PRKN: variants seen among roughly 807,000 people sequenced by gnomAD.
PRKN encodes E3 ubiquitin-protein ligase parkin.
Under a neutral mutation model 59.5 loss-of-function variants are expected in PRKN, and 56 were observed. The observed-to-expected ratio is 0.94, with a 90% CI of 0.76 to 1.18. PRKN has a LOEUF of 1.18. Among genes scored for constraint, PRKN ranks in the 50% most tolerant of loss-of-function variants. The pLI is 0.00. For synonymous variants in PRKN, 250 were observed against 222.1 expected (o/e 1.13, Z -1.12); for missense variants, 657 against 596.4 (o/e 1.10, Z -1.06).
intron 4 of PRKN, among the ~76,000 whole-genome samples, chr6:162,058,495 G>A (rs1300612975): frequency 3.3e-5 from 5 of 152,202 alleles, no homozygotes; most frequent in Admixed American, 3.3e-4. Flanking sequence ...ACCACACTGT[G>A]CTTGAGGCAC....
At chr6:162,153,519 CCAGTGAGGGCAAAGGGGCATTAT>C (rs1782365294) in intron 4 of PRKN, among the ~76,000 whole-genome samples, 2 of 152,274 alleles carry the variant, frequency 1.3e-5, no homozygotes, top group Admixed American at 1.3e-4. Flanking sequence ...CTTCCCTCTG[CCAGTGAGGGCAAAGGGGCATTAT>C]AACAGCCTTT....
chr6:162,579,874 T>C (rs950413687), intron 1 of PRKN, among the ~76,000 whole-genome samples: 1 of 152,214 alleles, frequency 6.6e-6, no homozygotes, highest in African/African-American at 2.4e-5. Context: ...CAGCTTCTTA[T>C]GGAATGCCCT....
At chr6:162,364,641 C>T (rs554458406) in intron 2 of PRKN, among the ~76,000 whole-genome samples, 2 of 152,096 alleles carry the variant, frequency 1.3e-5, no homozygotes, top group Non-Finnish European at 2.9e-5. Context: ...GGCCAGACAG[C>T]AACCTTTAAA....
intron 4 of PRKN, among the ~76,000 whole-genome samples, chr6:162,076,195 C>A (rs1778820688): frequency 6.6e-6 from 1 of 151,980 alleles, no homozygotes; most frequent in South Asian, 2.1e-4. Flanking sequence ...TCTCGAACTC[C>A]TGACCTCAAG....
At chr6:162,267,956 TAATA>T (rs1387299486) in intron 2 of PRKN, among the ~76,000 whole-genome samples, 2 of 152,192 alleles carry the variant, frequency 1.3e-5, no homozygotes, top group African/African-American at 4.8e-5. Flanking sequence ...TCCAAGCACT[TAATA>T]AAGAGTTACA....
At chr6:162,181,774 C>T (rs543072679) in intron 4 of PRKN, among the ~76,000 whole-genome samples, 20 of 152,268 alleles carry the variant, frequency 1.3e-4, no homozygotes, top group African/African-American at 4.6e-4. Context: ...TGCTTGTCAG[C>T]TTCCAACTAT....
intron 6 of PRKN, among the ~76,000 whole-genome samples, chr6:161,918,016 T>C (rs988174598): frequency 6.6e-6 from 1 of 152,230 alleles, no homozygotes; most frequent in African/African-American, 2.4e-5. Flanking sequence ...TACATATTTA[T>C]AAGTGTGGAA....
chr6:162,120,600 G>T (rs1366964196), intron 4 of PRKN, among the ~76,000 whole-genome samples: 2 of 152,184 alleles, frequency 1.3e-5, no homozygotes, highest in East Asian at 3.8e-4. Flanking sequence ...ATTTTACGGA[G>T]ATTGCAGAAG....
chr6:161,466,882 G>A lies in PRKN; in HGVS notation c.1084-80005C>T, dbSNP rs551878071. On this transcript the variant is annotated intron_variant, in intron 9 of 11. Transcript: ENST00000366898. This position sits in a 1 kb window ranked among gnomAD's most constrained non-coding sequence, Gnocchi z 5.0. ...TTTTTCCTTTCTGGGACAGTCACACGAAGTTAGTTAATGAGGGATTTTTAT... is the reference window on the plus strand; with the variant it reads ...TTTTTCCTTTCTGGGACAGTCACACAAAGTTAGTTAATGAGGGATTTTTAT... Among the ~76,000 whole-genome samples the A allele has an allele frequency of 4.6e-5, 7 of 152,336 alleles. No individual in the cohort carries two copies. The highest frequency in any genetic ancestry group is 8.8e-5 in the Non-Finnish European group (6 of 68,026).
intron 7 of PRKN, among the ~76,000 whole-genome samples, chr6:161,660,874 CA>C (rs1358470403): frequency 6.6e-6 from 1 of 152,134 alleles, no homozygotes; most frequent in Admixed American, 6.5e-5. Flanking sequence ...GATTTTTACC[CA>C]AAACCTGCTC....
chr6:161,424,602 C>T (rs555506191), intron 9 of PRKN, among the ~76,000 whole-genome samples: 4 of 152,218 alleles, frequency 2.6e-5, no homozygotes, highest in East Asian at 3.9e-4. Flanking sequence ...GCATTGGGGC[C>T]ACCTTGGTCT....
At chr6:161,866,417 T>C (rs1477354880) in intron 6 of PRKN, among the ~76,000 whole-genome samples, 1 of 151,792 alleles carries the variant, frequency 6.6e-6, no homozygotes, top group Non-Finnish European at 1.5e-5. Context: ...CTACTAAAAA[T>C]ACAAAAAATT....
chr6:161,489,550 A>C (rs1777467504), intron 9 of PRKN, among the ~76,000 whole-genome samples: 1 of 152,098 alleles, frequency 6.6e-6, no homozygotes, highest in Non-Finnish European at 1.5e-5. Context: ...AAAGAGCAAA[A>C]CTCCATCTCA....
At chr6:161,812,857 T>C (rs1299600384) in intron 6 of PRKN, among the ~76,000 whole-genome samples, 1 of 152,226 alleles carries the variant, frequency 6.6e-6, no homozygotes, top group Non-Finnish European at 1.5e-5. Context: ...AAAAATTGAA[T>C]ATATGCTACC....
At chr6:162,503,109 G>A (rs1793443752) in intron 1 of PRKN, among the ~76,000 whole-genome samples, 1 of 146,606 alleles carries the variant, frequency 6.8e-6, no homozygotes, top group Non-Finnish European at 1.5e-5. Context: ...GGCGAATTTG[G>A]CACCCTACAG....
At chr6:161,871,583 G>A (rs1262386767) in intron 6 of PRKN, among the ~76,000 whole-genome samples, 2 of 152,132 alleles carry the variant, frequency 1.3e-5, no homozygotes, top group Non-Finnish European at 1.5e-5. Flanking sequence ...CTCAGGGATC[G>A]CTTTGCAGCA....
intron 4 of PRKN, among the ~76,000 whole-genome samples, chr6:162,077,994 C>G (rs1205259792): frequency 4.4e-5 from 5 of 114,728 alleles, no homozygotes; most frequent in Non-Finnish European, 3.5e-5. Context: ...GAGAGAGACT[C>G]TCTCTCTAAA....
intron 7 of PRKN, among the ~76,000 whole-genome samples, chr6:161,655,056 G>T (rs1361110126): frequency 6.6e-6 from 1 of 152,216 alleles, no homozygotes; most frequent in Non-Finnish European, 1.5e-5. Context: ...CACCACCAAG[G>T]TGCACCGTCA....
intron 2 of PRKN, among the ~76,000 whole-genome samples, chr6:162,410,498 CG>C (rs1788303251): frequency 6.6e-6 from 1 of 152,142 alleles, no homozygotes; most frequent in East Asian, 1.9e-4. Flanking sequence ...CAATTTCGCT[CG>C]ACTGAAAGCA....
Sources: allele counts gnomAD v4.1 joint callset (sites outside exome capture counted in the v4.1 genomes callset), GRCh38; gene constraint gnomAD v4.1.1; non-coding constraint Gnocchi (gnomAD v3.1); transcripts MANE v1.5; gene names NCBI Gene and HGNC (gene_info 2026-07-23, HGNC 2026-07-21).